The following ZNF335 variants were observed in gnomAD, a reference collection of about 807,000 sequenced individuals.
ZNF335 encodes zinc finger protein 335.
Under a neutral mutation model 145.6 loss-of-function variants are expected in ZNF335, and 84 were observed. The observed-to-expected ratio is 0.58, with a 90% CI of 0.48 to 0.69. The LOEUF (loss-of-function observed/expected upper bound fraction) is 0.69, where lower values mean the gene tolerates loss of function less well. Among genes scored for constraint, ZNF335 ranks in the 30% least tolerant of loss-of-function variants. The pLI is 0.00. For synonymous variants in ZNF335, 761 were observed against 717.0 expected, an observed-to-expected ratio of 1.06 and a Z score of -0.98; for missense variants, 1,865 against 1,809.7, an observed-to-expected ratio of 1.03 and a Z score of -0.55.
At chr20:45,955,407 T>C (rs1047600355) in intron 17 of ZNF335, among the ~76,000 whole-genome samples, 5 of 141,978 alleles carry the variant, frequency 3.5e-5, no homozygotes, top group African/African-American at 1.3e-4. Context: ...TGTATTGGCA[T>C]GAATGCAGGG....
chr20:45,956,781 A>G (rs4465830), intron 17 of ZNF335, among the ~76,000 whole-genome samples: 19,922 of 152,192 alleles, frequency 0.13, 1,650 homozygotes, highest in South Asian at 0.2. Flanking sequence ...CAGGTGGAGT[A>G]AGATTTAAGT....
intron 3 of ZNF335, 92 bp from the exon 4 acceptor site, chr20:45,968,454 G>T: frequency 8.1e-7 from 1 of 1,232,332 alleles, no homozygotes; most frequent in Non-Finnish European, 1.2e-6. Context: ...CTGTGAGCAG[G>T]GCTGGTCCAC....
intron 17 of ZNF335, 25 bp downstream of exon 17, chr20:45,957,561 G>A (rs2145377593): frequency 6.2e-7 from 1 of 1,607,146 alleles, no homozygotes; most frequent in Non-Finnish European, 8.5e-7. Context: ...AGCTGGGAAG[G>A]GGAGCAGGTT....
chr20:45,952,723 G>A lies in ZNF335; in HGVS notation c.2703-14C>T. ...GCGGGCTCCTCGCTGTGGGCATGGA[G>A]AAGGTTCTAGGAGAAGATGGAGGGC... On this transcript the variant is annotated splice_polypyrimidine_tract_variant and intron_variant, in intron 18 of 27. Coordinates refer to ENST00000322927, the MANE Select transcript of ZNF335 (RefSeq NM_022095.4). 6.2e-7 allele frequency: 1 copy of A among 1,612,830 alleles called. No individual in the cohort carries two copies. Among genetic ancestry groups the A allele is most frequent in the Non-Finnish European group, 8.5e-7 (1 of 1,179,390 alleles).
At chr20:45,950,634 G>C (rs1179670200) in intron 20 of ZNF335, 39 bp from the exon 21 acceptor site, 1 of 1,601,668 alleles carries the variant, frequency 6.2e-7, no homozygotes, top group Non-Finnish European at 8.5e-7. Context: ...GGCTGGGTCA[G>C]GACAGATGGC....
At chr20:45,954,770 CTTTTTT>C (rs10577924) in intron 17 of ZNF335, among the ~76,000 whole-genome samples, 3 of 90,162 alleles carry the variant, frequency 3.3e-5, no homozygotes, top group Admixed American at 1.2e-4. Context: ...CATACAATTA[CTTTTTT>C]TTTTTTTTTT....
intron 20 of ZNF335, among the ~76,000 whole-genome samples, chr20:45,951,617 A>G (rs889796379): frequency 2.0e-5 from 3 of 152,196 alleles, no homozygotes; most frequent in African/African-American, 4.8e-5. Context: ...ACAGTTCACA[A>G]TGGGGCTGTG....
At chr20:45,956,985 A>C (rs2083740050) in intron 17 of ZNF335, among the ~76,000 whole-genome samples, 1 of 152,178 alleles carries the variant, frequency 6.6e-6, no homozygotes, top group South Asian at 2.1e-4. Flanking sequence ...TCTGGAATTC[A>C]TCATCTTAAA....
chr20:45,960,692 C>G lies in ZNF335; in HGVS notation c.1706G>C (p.Arg569Pro). ...GAGTCTTTTCTGCATGGGGTACACA[C>G]GGCCACACACAGGGCAGGGGAAAGA... is the stretch of plus-strand genomic sequence containing the variant. Reference protein sequence around the residue: ...LSSFPCPVCGRVYPMQKRLTQ... With the variant: ...LSSFPCPVCGPVYPMQKRLTQ... The change falls in exon 12 of 28, where the codon CGT becomes CCT. Residue 569 changes from arginine to proline, a missense_variant. Transcript: ENST00000322927. 1 of 1,614,086 alleles carries G rather than the reference C, an allele frequency of 6.2e-7. No homozygotes were observed. The highest frequency in any genetic ancestry group is 8.5e-7 in the Non-Finnish European group (1 of 1,180,020).
chr20:45,968,202 A>G lies in ZNF335; in HGVS notation c.520+83T>C. On this transcript the variant is annotated intron_variant, in intron 4 of 27. Transcript: ENST00000322927. ...GCAGTGGATACCCAGCCAGGGCCAC[A>G]GACGGAATCCGCGGCAGAACCTGTC... The G allele has an allele frequency of 3.3e-6, 5 of 1,532,276 alleles. No individual in the cohort carries two copies. In the Admixed American group the frequency reaches 6.8e-5, roughly 21 times the overall value. 94.9% of individuals were successfully genotyped at this position (1,532,276 alleles called of 1,614,324 possible). A position where few individuals can be genotyped will look rare whatever the true frequency, so the allele number is the denominator to read the frequency against.
chr20:45,968,170 A>G, intron 4 of ZNF335, 115 bp downstream of exon 4: 7 of 1,498,308 alleles, frequency 4.7e-6, no homozygotes, highest in Middle Eastern at 1.7e-4. Flanking sequence ...GAAAACTGAG[A>G]CCCAGAGCAG....
intron 9 of ZNF335, among the ~76,000 whole-genome samples, chr20:45,963,023 A>C (rs1209839192): frequency 1.3e-5 from 2 of 151,850 alleles, no homozygotes; most frequent in African/African-American, 4.8e-5. Flanking sequence ...ATGTTGGCCA[A>C]GCTGGTCTCA....
intron 1 of ZNF335, chr20:45,971,786 C>T: frequency 2.0e-6 from 2 of 985,370 alleles, no homozygotes; most frequent in Non-Finnish European, 2.4e-6. Context: ...CCCGCGTCCC[C>T]CCGGGTTGCA....
chr20:45,967,903 G>A lies in ZNF335; in HGVS notation c.645C>T (p.Ser215=), dbSNP rs757813563. Residue 215 remains serine (S), a synonymous_variant, in exon 5 of 28, where the codon TCC becomes TCT. Coordinates refer to ENST00000322927, the MANE Select transcript of ZNF335 (RefSeq NM_022095.4). The stretch of plus-strand genomic sequence containing the variant: ...CGGAGGCTGGGGGCAGCTGCACCGG[G>A]GAGCTGGGCCCACCCTGTGCCTCCA... ...TCLEAQGGPS[S]PVQLPPASGA... 8.1e-6 allele frequency: 13 copies of A among 1,612,628 alleles called. No individual in the cohort carries two copies. The highest frequency in any genetic ancestry group is 1.1e-5 in the Non-Finnish European group (13 of 1,179,628).
intron 18 of ZNF335, 106 bp downstream of exon 18, chr20:45,953,583 T>C (rs991987617): frequency 1.2e-5 from 17 of 1,438,250 alleles, no homozygotes; most frequent in Middle Eastern, 3.7e-4. Flanking sequence ...TTGATGTGTA[T>C]TGGGATTTTT....
chr20:45,956,263 T>A (rs1341878946), intron 17 of ZNF335, among the ~76,000 whole-genome samples: 2 of 151,808 alleles, frequency 1.3e-5, no homozygotes, highest in Non-Finnish European at 2.9e-5. Flanking sequence ...GGAGTTTTGC[T>A]CGTTGGCCAG....
intron 17 of ZNF335, among the ~76,000 whole-genome samples, chr20:45,954,831 G>A (rs1239504255): frequency 7.4e-6 from 1 of 134,756 alleles, no homozygotes; most frequent in Non-Finnish European, 1.5e-5. Context: ...GCAGTGGTAC[G>A]ATTACAGCTC....
At position 45,952,381 on chromosome 20, in the gene ZNF335, G is replaced by A. The variant is rs1468848869; in HGVS notation, c.2955C>T (p.Asp985=). 5.6e-6 allele frequency: 9 copies of A among 1,607,714 alleles called. No individual in the cohort carries two copies. Among genetic ancestry groups the A allele is most frequent in the Middle Eastern group, 1.7e-4 (1 of 6,022 alleles). The part of the protein sequence containing the change: ...PSPAKTHCVG[D]SQSSASSPPA... ...GAGGTGAGGAGGCAGAGCTCTGGGA[G>A]TCCCCTACGCAGTGGGTCTTGGCTG... Residue 985 remains aspartate (D), a synonymous_variant, in exon 20 of 28, where the codon GAC becomes GAT. Coordinates refer to ENST00000322927, the MANE Select transcript of ZNF335 (RefSeq NM_022095.4).
intron 17 of ZNF335, 28 bp from the exon 18 acceptor site, chr20:45,953,976 G>A (rs2083681299): frequency 1.3e-6 from 2 of 1,553,352 alleles, no homozygotes; most frequent in Non-Finnish European, 1.7e-6. Context: ...GGCGGGATGG[G>A]AGGCACTGGT....
Sources: allele counts gnomAD v4.1 joint callset (sites outside exome capture counted in the v4.1 genomes callset), GRCh38; gene constraint gnomAD v4.1.1; transcripts MANE v1.5; gene names NCBI Gene and HGNC (gene_info 2026-07-23, HGNC 2026-07-21).